Variants in EXOC4 observed in about 807,000 individuals in gnomAD.
EXOC4 encodes exocyst complex component 4.
A neutral mutation model predicts 107.2 loss-of-function variants in EXOC4; 71 were observed. The ratio of observed to expected loss-of-function variants is 0.66; its 90% CI spans 0.55 to 0.81. The LOEUF is 0.81. Ranked by LOEUF, EXOC4 falls within the 30% of genes least tolerant of loss-of-function variation. EXOC4 has a pLI of 0.00. For missense variants in EXOC4, 1,108 were observed against 1,189.6 expected, an observed-to-expected ratio of 0.93 and a Z score of 1.01; for synonymous variants, 456 against 441.2, an observed-to-expected ratio of 1.03 and a Z score of -0.42.
At chr7:133,959,950 A>G (rs1322977936) in intron 14 of EXOC4, among the ~76,000 whole-genome samples, 2 of 152,200 alleles carry the variant, frequency 1.3e-5, no homozygotes, top group African/African-American at 4.8e-5. Context: ...AGTCTTCCAT[A>G]GAATCTACCA....
At chr7:133,334,041 T>G (rs1208929252) in intron 5 of EXOC4, among the ~76,000 whole-genome samples, 3 of 152,218 alleles carry the variant, frequency 2.0e-5, no homozygotes, top group Non-Finnish European at 4.4e-5. Context: ...ACCCACTCAC[T>G]TATGGTTATG....
intron 7 of EXOC4, among the ~76,000 whole-genome samples, chr7:133,417,151 G>A (rs1389218426): frequency 2.0e-5 from 3 of 152,136 alleles, no homozygotes; most frequent in African/African-American, 4.8e-5. Flanking sequence ...ATTTGGTGGC[G>A]ACATGGCAAT....
At chr7:133,975,768 C>G (rs1176778306) in intron 14 of EXOC4, among the ~76,000 whole-genome samples, 2 of 151,834 alleles carry the variant, frequency 1.3e-5, no homozygotes, top group Non-Finnish European at 2.9e-5. Flanking sequence ...CACACACACA[C>G]ACGCTATTCA....
chr7:133,660,361 G>A (rs2151045383), intron 10 of EXOC4, among the ~76,000 whole-genome samples: 1 of 152,248 alleles, frequency 6.6e-6, no homozygotes, highest in South Asian at 2.1e-4. Context: ...AAGGGGAATT[G>A]TTGAGGCATA....
chr7:134,066,399 C>G (rs918308332), downstream of EXOC4: 10 of 152,064 alleles, frequency 6.6e-5, no homozygotes, highest in Non-Finnish European at 1.2e-4. Flanking sequence ...TGTCAAGAGC[C>G]CTGAGAACCA....
intron 10 of EXOC4, among the ~76,000 whole-genome samples, chr7:133,726,243 A>G (rs889301541): frequency 6.6e-6 from 1 of 152,224 alleles, no homozygotes; most frequent in Non-Finnish European, 1.5e-5. Flanking sequence ...GGTAAAACAC[A>G]TACGGAAAAC....
At chr7:133,270,840 T>G (rs1793851518) in intron 1 of EXOC4, among the ~76,000 whole-genome samples, 1 of 152,000 alleles carries the variant, frequency 6.6e-6, no homozygotes, top group Non-Finnish European at 1.5e-5. Flanking sequence ...CTAGTGATAA[T>G]CCCACACTGA....
chr7:133,299,975 A>G (rs1199020406), intron 3 of EXOC4, among the ~76,000 whole-genome samples: 1 of 152,158 alleles, frequency 6.6e-6, no homozygotes, highest in East Asian at 1.9e-4. Flanking sequence ...GAGCTGATGA[A>G]GGTTTATTAA....
At chr7:133,918,507 T>C (rs1340102885) in intron 13 of EXOC4, among the ~76,000 whole-genome samples, 1 of 152,246 alleles carries the variant, frequency 6.6e-6, no homozygotes, top group African/African-American at 2.4e-5. Context: ...AGTTGGACTT[T>C]CTGGAAAATA....
intron 14 of EXOC4, among the ~76,000 whole-genome samples, chr7:133,940,644 T>C (rs950392061): frequency 6.6e-6 from 1 of 152,222 alleles, no homozygotes; most frequent in African/African-American, 2.4e-5. Context: ...TTATGTGCTC[T>C]TTGAATTCCC....
chr7:133,980,189 G>A (rs1397394475), intron 14 of EXOC4, among the ~76,000 whole-genome samples: 1 of 152,180 alleles, frequency 6.6e-6, no homozygotes, highest in African/African-American at 2.4e-5. Context: ...TACCCAGTGT[G>A]TATGTTTAAT....
rs150318419 is a variant in EXOC4 at position 133,391,910 on chromosome 7, A to G, written c.1182+16908A>G. ...CTTTTGATTGGAAATTCAAATGCAA[A>G]TATTAAACCTGGGAACAATGGGGGT... On this transcript the variant is annotated intron_variant, in intron 7 of 17. Coordinates refer to ENST00000253861, the MANE Select transcript of EXOC4 (RefSeq NM_021807.4). Among the ~76,000 whole-genome samples the G allele has an allele frequency of 9.5e-4, 145 of 152,360 alleles. 3 individuals are homozygous for G. The East Asian group carries it at 0.023, about 24-fold the overall frequency.
intron 10 of EXOC4, among the ~76,000 whole-genome samples, chr7:133,754,607 A>C (rs973235411): frequency 2.0e-5 from 3 of 152,220 alleles, no homozygotes; most frequent in African/African-American, 7.2e-5. Context: ...TTACTGTGAT[A>C]AAATCATTAG....
the EXOC4 span, among the ~76,000 whole-genome samples, chr7:134,073,222 AAAAAAAAAAAC>A: frequency 2.2e-5 from 1 of 46,324 alleles, no homozygotes; most frequent in Non-Finnish European, 3.5e-5. Flanking sequence ...AAAAAAAAAA[AAAAAAAAAAAC>A]AACAAAGAAA....
intron 6 of EXOC4, among the ~76,000 whole-genome samples, chr7:133,365,442 G>A (rs1302352774): frequency 6.6e-6 from 1 of 152,114 alleles, no homozygotes; most frequent in African/African-American, 2.4e-5. Context: ...GCATACATCA[G>A]GATTAGACGT....
At chr7:133,567,475 A>G (rs944913158) in intron 9 of EXOC4, among the ~76,000 whole-genome samples, 2 of 152,268 alleles carry the variant, frequency 1.3e-5, no homozygotes, top group South Asian at 4.2e-4. Context: ...ATCACAAGCA[A>G]TGCCACAGTA....
chr7:133,723,789 C>A (rs1795158068), intron 10 of EXOC4, among the ~76,000 whole-genome samples: 1 of 152,078 alleles, frequency 6.6e-6, no homozygotes, highest in African/African-American at 2.4e-5. Context: ...CCATGCCCAA[C>A]TTATTTATTT....
intron 5 of EXOC4, among the ~76,000 whole-genome samples, chr7:133,337,144 A>G (rs1192994522): frequency 1.3e-5 from 2 of 152,142 alleles, no homozygotes; most frequent in African/African-American, 4.8e-5. Context: ...TGTTTTGTCA[A>G]TGTTGTGTTG....
intron 1 of EXOC4, among the ~76,000 whole-genome samples, chr7:133,264,817 A>G (rs1030705428): frequency 2.0e-5 from 3 of 152,154 alleles, no homozygotes; most frequent in Non-Finnish European, 2.9e-5. Flanking sequence ...TTGTTTCTTT[A>G]GTGCTTATAT....
Sources: allele counts gnomAD v4.1 joint callset (sites outside exome capture counted in the v4.1 genomes callset), GRCh38; gene constraint gnomAD v4.1.1; transcripts MANE v1.5; gene names NCBI Gene and HGNC (gene_info 2026-07-23, HGNC 2026-07-21).